PPP6R1: variants seen among roughly 807,000 people sequenced by gnomAD.
PPP6R1 encodes the protein protein phosphatase 6 regulatory subunit 1.
PPP6R1 carries 39 observed loss-of-function variants against 104.6 expected under a neutral mutation model. The ratio of observed to expected loss-of-function variants is 0.37; its 90% CI spans 0.29 to 0.49. PPP6R1 has a LOEUF of 0.49. Among genes scored for constraint, PPP6R1 ranks in the 20% least tolerant of loss-of-function variants. The probability of loss-of-function intolerance (pLI) is 0.98; values close to 1 mark genes in which losing one functional copy is unlikely to be tolerated. For missense variants in PPP6R1, 1,181 were observed against 1,155.8 expected (o/e 1.02, Z -0.32); for synonymous variants, 549 against 479.0 (o/e 1.15, Z -1.91).
chr19:55,239,700 G>T lies in PPP6R1; in HGVS notation c.1564-17C>A. 1 of 1,603,842 alleles carries T rather than the reference G, an allele frequency of 6.2e-7. No homozygotes were observed. The highest frequency in any genetic ancestry group is 8.5e-7 in the Non-Finnish European group (1 of 1,173,654). On this transcript the variant is annotated splice_polypyrimidine_tract_variant and intron_variant, in intron 13 of 23. Transcript: ENST00000412770. ...GGTGTTCACCTGGGGAGAGGAGGGG[G>T]CGTCAGGGCCTGCTGGAGCCCCCAG...
Position 55,230,446 on chromosome 19 carries a change from C to A in PPP6R1, c.*82G>T. ...GTCAGGGTGATGAGGGCAATGGGGG[C>A]CATCGTGGGACCCGCCCTGCCCCCA... On this transcript the variant is annotated 3_prime_UTR_variant, in exon 24 of 24. Transcript: ENST00000412770. The A allele has an allele frequency of 6.3e-7, 1 of 1,581,996 alleles. No individual in the cohort carries two copies. Among genetic ancestry groups the A allele is most frequent in the Non-Finnish European group, 8.6e-7 (1 of 1,157,382 alleles).
rs1409732376 is a variant in PPP6R1 at position 55,239,817 on chromosome 19, G to C, written c.1563+9C>G. 6.2e-7 allele frequency: 1 copy of C among 1,613,322 alleles called. No individual in the cohort carries two copies. Among genetic ancestry groups the C allele is most frequent in the Non-Finnish European group, 8.5e-7 (1 of 1,179,438 alleles). On this transcript the variant is annotated intron_variant, in intron 13 of 23. Transcript: ENST00000412770. ...CAGGAGGAGTGCAGGAAGAGAAGCT[G>C]GGCCTCACCAGGTCCACCATGTTCT...
chr19:55,258,030 C>G (rs1005497579), intron 1 of PPP6R1, among the ~76,000 whole-genome samples: 1 of 152,198 alleles, frequency 6.6e-6, no homozygotes, highest in Admixed American at 6.5e-5. Flanking sequence ...GGTGGCGGGG[C>G]AGAGATCGGG....
intron 13 of PPP6R1, 62 bp downstream of exon 13, chr19:55,239,764 C>A: frequency 6.3e-7 from 1 of 1,594,734 alleles, no homozygotes. Flanking sequence ...CGGTGGGAGG[C>A]TAAGACTGGC....
At chr19:55,249,513 T>C (rs1352173573) in intron 1 of PPP6R1, among the ~76,000 whole-genome samples, 1 of 151,952 alleles carries the variant, frequency 6.6e-6, no homozygotes, top group Non-Finnish European at 1.5e-5. Flanking sequence ...AGTGTTGGGA[T>C]TACAGGCATG....
At chr19:55,240,837 T>C in intron 10 of PPP6R1, 108 bp downstream of exon 10, 1 of 1,438,282 alleles carries the variant, frequency 7.0e-7, no homozygotes. Context: ...CACCTAACAC[T>C]ACCCAACAAA....
intron 10 of PPP6R1, 22 bp downstream of exon 10, chr19:55,240,923 G>A (rs1387797458): frequency 6.2e-7 from 1 of 1,601,196 alleles, no homozygotes; most frequent in South Asian, 1.1e-5. Context: ...AGAAGGAGGG[G>A]GACCAGGGAG....
Position 55,245,429 on chromosome 19 carries a change from A to C in PPP6R1, c.415-27T>G, listed in dbSNP as rs764512570. Reference sequence around the variant, plus strand: ...TGGGGGCACACGGGCTGCGTCATGCACAGGGCCTGGCCCAGCCACCACCCC... The same window carrying C: ...TGGGGGCACACGGGCTGCGTCATGCCCAGGGCCTGGCCCAGCCACCACCCC... On this transcript the variant is annotated intron_variant, in intron 3 of 23. Transcript: ENST00000412770. The surrounding 1 kb of genome is among the most constrained non-coding windows in gnomAD (Gnocchi z 6.4). The C allele has an allele frequency of 2.5e-6, 4 of 1,612,942 alleles. 1 individual carries two copies. The South Asian group carries it at 4.4e-5, about 18-fold the overall frequency.
chr19:55,235,519 C>CT (rs1243985127), intron 17 of PPP6R1, among the ~76,000 whole-genome samples: 8 of 141,990 alleles, frequency 5.6e-5, no homozygotes, highest in South Asian at 4.5e-4. Flanking sequence ...AATTAGATTC[C>CT]TTTTTTTTTT....
chr19:55,238,688 G>C (rs970166197), intron 15 of PPP6R1: 1 of 152,212 alleles, frequency 6.6e-6, no homozygotes, highest in Non-Finnish European at 1.5e-5. Context: ...TAGAGATGGG[G>C]TTTCGCCATG....
At chr19:55,256,558 C>A (rs1034766514) in intron 1 of PPP6R1, among the ~76,000 whole-genome samples, 4 of 152,344 alleles carry the variant, frequency 2.6e-5, no homozygotes, top group Middle Eastern at 3.4e-3. Flanking sequence ...TGCCTATAAT[C>A]CCAGCTCTCT....
At chr19:55,231,027 C>T in intron 21 of PPP6R1, 143 bp from the exon 22 acceptor site, 1 of 720,514 alleles carries the variant, frequency 1.4e-6, no homozygotes, top group Admixed American at 2.2e-5. Flanking sequence ...GAGGACGCAG[C>T]TGGCTCAGCG....
Position 55,233,363 on chromosome 19 carries a change from C to T in PPP6R1, c.1989-1152G>A, listed in dbSNP as rs1014939244. On this transcript the variant is annotated intron_variant, in intron 17 of 23. Transcript: ENST00000412770. The stretch of plus-strand genomic sequence containing the variant: ...CTAACAGCATGCTTACATGGCAAAA[C>T]GCTGAATGCTTCCCCCTAAGATCAG... Among the ~76,000 whole-genome samples the T allele has an allele frequency of 5.3e-5, 8 of 152,204 alleles. No homozygotes were observed. In the South Asian group the frequency reaches 8.3e-4, roughly 16 times the overall value.
chr19:55,242,750 C>T (rs529805584), intron 5 of PPP6R1: 12 of 478,612 alleles, frequency 2.5e-5, no homozygotes, highest in South Asian at 4.1e-5. Flanking sequence ...CTGGCAGCAC[C>T]GCCCACAATG....
chr19:55,242,349 C>T, intron 6 of PPP6R1, 27 bp downstream of exon 6: 1 of 1,612,174 alleles, frequency 6.2e-7, no homozygotes, highest in Non-Finnish European at 8.5e-7. Context: ...CAGCTCCCCC[C>T]AGCCTTAGCC....
At chr19:55,239,952 G>A in intron 12 of PPP6R1, 41 bp from the exon 13 acceptor site, 1 of 1,612,356 alleles carries the variant, frequency 6.2e-7, no homozygotes, top group Non-Finnish European at 8.5e-7. Context: ...GCATCTCGGG[G>A]CTTCAAGCCC....
intron 21 of PPP6R1, chr19:55,231,100 T>C: frequency 1.6e-6 from 1 of 616,936 alleles, no homozygotes; most frequent in Non-Finnish European, 2.9e-6. Context: ...CCTGTCCCTG[T>C]GGAGGAGGTA....
At chr19:55,249,248 T>C (rs749793512) in intron 1 of PPP6R1, among the ~76,000 whole-genome samples, 1 of 152,066 alleles carries the variant, frequency 6.6e-6, no homozygotes, top group Non-Finnish European at 1.5e-5. Context: ...CTTTTCCCAA[T>C]AATCCTTTGT....
At position 55,236,629 on chromosome 19, in the gene PPP6R1, G is replaced by A. The variant is rs760966984; in HGVS notation, c.1988+14C>T. 13 of 1,523,164 alleles carry A rather than the reference G, an allele frequency of 8.5e-6. No homozygotes were observed. In the Admixed American group the frequency reaches 2.6e-4, roughly 31 times the overall value. 94.4% of individuals were successfully genotyped at this position (1,523,164 alleles called of 1,614,324 possible). On this transcript the variant is annotated intron_variant, in intron 17 of 23. Transcript: ENST00000412770. ...GGTGGAAGCTTGGAGAAGGGAAACT[G>A]GAGGGGGACTCACCGGACACCAGGT...
Sources: gnomAD v4.1 joint callset for allele counts (sites outside exome capture counted in the v4.1 genomes callset) on GRCh38, gnomAD v4.1.1 for gene constraint, Gnocchi (gnomAD v3.1) non-coding constraint, MANE v1.5 for transcripts, NCBI Gene and HGNC (gene_info 2026-07-23, HGNC 2026-07-21) for gene names.